Variants in CEP70 observed in about 807,000 individuals in gnomAD.
CEP70 encodes centrosomal protein of 70 kDa.
In CEP70, 70 loss-of-function variants were observed where a neutral mutation model predicts 90.9. The ratio of observed to expected loss-of-function variants is 0.77; its 90% CI spans 0.64 to 0.94. The LOEUF (loss-of-function observed/expected upper bound fraction) is 0.94. Among genes scored for constraint, CEP70 ranks in the 40% least tolerant of loss-of-function variants. CEP70 has a pLI of 0.00. For missense variants in CEP70, 648 were observed against 669.0 expected (o/e 0.97, Z 0.35); for synonymous variants, 220 against 228.3 (o/e 0.96, Z 0.33).
intron 6 of CEP70, among the ~76,000 whole-genome samples, chr3:138,568,711 T>C (rs932845054): frequency 3.9e-5 from 6 of 152,198 alleles, no homozygotes; most frequent in Non-Finnish European, 5.9e-5. Flanking sequence ...CCGGGCGCAG[T>C]GGCTCACACC....
intron 16 of CEP70, 104 bp downstream of exon 16, chr3:138,500,006 A>G: frequency 1.3e-6 from 1 of 776,430 alleles, no homozygotes; most frequent in Non-Finnish European, 2.3e-6. Context: ...TCCTGGGTTC[A>G]AGTGATCCTC....
At chr3:138,554,969 T>G (rs59316948) in intron 6 of CEP70, among the ~76,000 whole-genome samples, 1 of 152,190 alleles carries the variant, frequency 6.6e-6, no homozygotes, top group Non-Finnish European at 1.5e-5. Context: ...AAAAATCAAC[T>G]CAAGGCCAGA....
intron 2 of CEP70, among the ~76,000 whole-genome samples, chr3:138,583,166 T>C (rs1471241667): frequency 6.6e-6 from 1 of 152,202 alleles, no homozygotes; most frequent in Non-Finnish European, 1.5e-5. Flanking sequence ...GTAGCTATAC[T>C]TATATCAGAC....
At chr3:138,579,311 A>C (rs937888168) in intron 2 of CEP70, among the ~76,000 whole-genome samples, 1 of 152,122 alleles carries the variant, frequency 6.6e-6, no homozygotes, top group Admixed American at 6.5e-5. Flanking sequence ...CTCCAAGGCA[A>C]GTCCTAGTGC....
intron 8 of CEP70, chr3:138,530,815 G>A (rs2037744902): frequency 1.0e-6 from 1 of 984,590 alleles, no homozygotes; most frequent in South Asian, 4.7e-5. Flanking sequence ...TATCCTATTT[G>A]TAGATCTCAA....
At chr3:138,565,439 A>G (rs1391008274) in intron 6 of CEP70, among the ~76,000 whole-genome samples, 4 of 152,232 alleles carry the variant, frequency 2.6e-5, no homozygotes, top group Non-Finnish European at 4.4e-5. Context: ...ACTTCAAACT[A>G]TGGTACAAGG....
At chr3:138,498,263 G>A (rs1386252191) in intron 16 of CEP70, among the ~76,000 whole-genome samples, 153 bp from the exon 17 acceptor site, 1 of 150,578 alleles carries the variant, frequency 6.6e-6, no homozygotes, top group African/African-American at 2.4e-5. Flanking sequence ...TGAGCTTTTT[G>A]TTAATCCAAT....
intron 11 of CEP70, among the ~76,000 whole-genome samples, chr3:138,521,209 C>T (rs1352752965): frequency 6.6e-6 from 1 of 152,214 alleles, no homozygotes; most frequent in Non-Finnish European, 1.5e-5. Flanking sequence ...GCTGAGATTG[C>T]AGCCTCTGCC....
intron 2 of CEP70, among the ~76,000 whole-genome samples, chr3:138,584,169 G>C (rs1478139120): frequency 6.6e-6 from 1 of 151,972 alleles, no homozygotes; most frequent in Non-Finnish European, 1.5e-5. Flanking sequence ...AGAAAATCTA[G>C]AAGAAATGGA....
At chr3:138,584,903 A>C (rs1374960864) in intron 2 of CEP70, among the ~76,000 whole-genome samples, 1 of 152,050 alleles carries the variant, frequency 6.6e-6, no homozygotes, top group Non-Finnish European at 1.5e-5. Context: ...AACAAGGATA[A>C]AAAATTGACA....
intron 2 of CEP70, among the ~76,000 whole-genome samples, chr3:138,590,823 TA>T (rs149845657): frequency 9.1e-5 from 13 of 142,730 alleles, no homozygotes; most frequent in Admixed American, 1.4e-4. Context: ...AAATAAATAA[TA>T]AAAAAAAAAC....
chr3:138,535,877 G>A (rs1011234075), intron 7 of CEP70, among the ~76,000 whole-genome samples: 41 of 150,570 alleles, frequency 2.7e-4, no homozygotes, highest in African/African-American at 1.0e-3. Context: ...TTCTTACCTA[G>A]CCTCCCTTTT....
chr3:138,564,235 C>T (rs1425894070), intron 6 of CEP70, among the ~76,000 whole-genome samples: 2 of 152,160 alleles, frequency 1.3e-5, no homozygotes, highest in African/African-American at 2.4e-5. Context: ...AAGTCCAGGA[C>T]CAGATGGATT....
At chr3:138,535,087 GTC>G (rs1284032347) in intron 7 of CEP70, among the ~76,000 whole-genome samples, 2 of 152,108 alleles carry the variant, frequency 1.3e-5, no homozygotes, top group Non-Finnish European at 1.5e-5. Context: ...GCCAATTTAA[GTC>G]TCTCAAAGTT....
intron 6 of CEP70, among the ~76,000 whole-genome samples, chr3:138,562,440 T>C (rs543097797): frequency 2.6e-5 from 4 of 151,790 alleles, no homozygotes; most frequent in African/African-American, 9.7e-5. Context: ...AAGGAAAAAA[T>C]GTTAAGGGCA....
intron 6 of CEP70, among the ~76,000 whole-genome samples, chr3:138,569,016 AC>A (rs1405541522): frequency 6.6e-6 from 1 of 152,036 alleles, no homozygotes; most frequent in Non-Finnish European, 1.5e-5. Flanking sequence ...ACAAAAAAAA[AC>A]AAAGCCAACC....
In CEP70 at chr3:138,496,696, A is replaced by G. The variant is rs1017895263; in HGVS notation, c.1732+1335T>C. The stretch of plus-strand genomic sequence containing the variant: ...ACCCTGCACCTACATGCTTAGTGAC[A>G]CCTATTAATTAAAAAAACTGTCATG... On this transcript the variant is annotated intron_variant, in intron 17 of 17. Coordinates refer to ENST00000264982, the MANE Select transcript of CEP70 (RefSeq NM_024491.4). 14 of 985,148 alleles carry G rather than the reference A, an allele frequency of 1.4e-5. No individual in the cohort carries two copies. The African/African-American group carries it at 2.3e-4, about 16-fold the overall frequency. The allele number at this position is 985,148 out of a possible 1,614,324, so 61.0% of individuals were successfully genotyped here. A position where few individuals can be genotyped will look rare whatever the true frequency, so the allele number is the denominator to read the frequency against.
intron 6 of CEP70, among the ~76,000 whole-genome samples, chr3:138,553,053 C>T (rs11926199): frequency 0.048 from 7,312 of 152,050 alleles, 564 homozygotes; most frequent in African/African-American, 0.16. Flanking sequence ...AAAACTTTTA[C>T]GCACATAAAC....
At chr3:138,537,416 T>G in intron 6 of CEP70, 69 bp from the exon 7 acceptor site, 68 of 990,664 alleles carry the variant, frequency 6.9e-5, no homozygotes, top group African/African-American at 8.5e-5. Flanking sequence ...AACAGTATTG[T>G]ACACAAAGGC....
Sources: gnomAD v4.1 joint callset for allele counts (sites outside exome capture counted in the v4.1 genomes callset) on GRCh38, gnomAD v4.1.1 for gene constraint, MANE v1.5 for transcripts, NCBI Gene and HGNC (gene_info 2026-07-23, HGNC 2026-07-21) for gene names.